Variants in PPP1R37 observed in about 807,000 individuals in gnomAD.
The protein encoded by PPP1R37 is leucine rich repeat containing 68.
A neutral mutation model predicts 61.0 loss-of-function variants in PPP1R37; 21 were observed. The observed-to-expected ratio is 0.34, with a 90% CI of 0.24 to 0.50. PPP1R37 has a LOEUF of 0.50. Among genes scored for constraint, PPP1R37 ranks in the 20% least tolerant of loss-of-function variants. The pLI is 0.98. For missense variants in PPP1R37, 910 were observed against 952.7 expected, an observed-to-expected ratio of 0.96 and a Z score of 0.59; for synonymous variants, 443 against 433.5, an observed-to-expected ratio of 1.02 and a Z score of -0.27.
At chr19:45,122,683 G>A (rs138877616) in intron 1 of PPP1R37, among the ~76,000 whole-genome samples, 3 of 152,210 alleles carry the variant, frequency 2.0e-5, no homozygotes, top group Non-Finnish European at 2.9e-5. Context: ...TGGGGTGTGA[G>A]GAAGAGGGGT....
chr19:45,128,890 G>A, intron 1 of PPP1R37: 2 of 668,502 alleles, frequency 3.0e-6, no homozygotes, highest in South Asian at 2.9e-5. Flanking sequence ...GCAGGGAGGT[G>A]CGAGAGGACC....
chr19:45,143,597 C>A lies in PPP1R37; in HGVS notation c.951C>A (p.Leu317=). 6.5e-7 allele frequency: 1 copy of A among 1,535,744 alleles called. No homozygotes were observed. Among genetic ancestry groups the A allele is most frequent in the Non-Finnish European group, 8.7e-7 (1 of 1,146,548 alleles). ...CCCTGGTGCTGTGGAACAACCAGCT[C>A]ACGCACACAGGCATGGCCTTCCTGG... ...LVTLVLWNNQ[L]THTGMAFLGM... The change falls in exon 8 of 13, where the codon CTC becomes CTA. Residue 317 remains leucine, a synonymous_variant. Transcript: ENST00000221462.
At chr19:45,138,712 G>A (rs1968569478) in intron 2 of PPP1R37, 101 bp downstream of exon 2, 1 of 701,864 alleles carries the variant, frequency 1.4e-6, no homozygotes, top group Non-Finnish European at 2.4e-6. Context: ...CCCAGCCCCA[G>A]GTGTTCATGA....
intron 1 of PPP1R37, among the ~76,000 whole-genome samples, chr19:45,134,359 G>A (rs966192514): frequency 6.6e-6 from 1 of 152,172 alleles, no homozygotes; most frequent in Non-Finnish European, 1.5e-5. Flanking sequence ...TCAGGGAATT[G>A]AAGCTGTGTT....
intron 1 of PPP1R37, among the ~76,000 whole-genome samples, chr19:45,116,261 G>A (rs1451434294): frequency 3.3e-5 from 5 of 152,244 alleles, no homozygotes; most frequent in African/African-American, 7.2e-5. Flanking sequence ...AGGTCAGGAC[G>A]AGGGGAAGGG....
intron 1 of PPP1R37, among the ~76,000 whole-genome samples, chr19:45,113,362 C>G (rs566653633): frequency 6.6e-6 from 1 of 152,248 alleles, no homozygotes; most frequent in African/African-American, 2.4e-5. Context: ...CTGGGTGCCA[C>G]GCATGGCGTT....
intron 1 of PPP1R37, among the ~76,000 whole-genome samples, chr19:45,116,930 T>TTTTTA (rs1968275490): frequency 6.7e-6 from 1 of 149,440 alleles, no homozygotes. Flanking sequence ...TTTTTTTTTT[T>TTTTTA]GAGACAGAGT....
chr19:45,141,525 C>T, intron 5 of PPP1R37, 84 bp downstream of exon 5: 1 of 1,462,982 alleles, frequency 6.8e-7, no homozygotes, highest in Non-Finnish European at 9.1e-7. Flanking sequence ...CCCGTAGGCT[C>T]TGACTGCATG....
chr19:45,121,844 G>T lies in PPP1R37; in HGVS notation c.203-16670G>T, dbSNP rs1020706581. ...TCCCCTGAGAAATACCTGCCCTTGG[G>T]AAGCCCACTGCATTGGGCTTACATG... On this transcript the variant is annotated intron_variant, in intron 1 of 12. Coordinates refer to ENST00000221462, the MANE Select transcript of PPP1R37 (RefSeq NM_019121.2). This position sits in a 1 kb window ranked among gnomAD's most constrained non-coding sequence, Gnocchi z 4.2. Among the ~76,000 whole-genome samples the T allele has an allele frequency of 1.3e-5, 2 of 152,232 alleles. No individual in the cohort carries two copies. Among genetic ancestry groups the T allele is most frequent in the African/African-American group, 4.8e-5 (2 of 41,456 alleles).
chr19:45,137,489 C>G (rs1472137874), intron 1 of PPP1R37, among the ~76,000 whole-genome samples: 2 of 152,174 alleles, frequency 1.3e-5, no homozygotes, highest in African/African-American at 4.8e-5. Context: ...CTCCAGGGAC[C>G]GGGGCTGCAG....
chr19:45,094,979 G>T (rs1967973801), intron 1 of PPP1R37, among the ~76,000 whole-genome samples: 1 of 152,184 alleles, frequency 6.6e-6, no homozygotes, highest in Non-Finnish European at 1.5e-5. Context: ...AAGTCTGTCA[G>T]TTCTCCTGGG....
At chr19:45,139,547 C>T (rs904992456) in intron 2 of PPP1R37, among the ~76,000 whole-genome samples, 1 of 150,076 alleles carries the variant, frequency 6.7e-6, no homozygotes, top group African/African-American at 2.5e-5. Context: ...GGTTGCCTGT[C>T]CTCGGGCTGT....
chr19:45,141,010 C>T (rs1383549535), intron 4 of PPP1R37, among the ~76,000 whole-genome samples: 5 of 152,098 alleles, frequency 3.3e-5, no homozygotes, highest in Non-Finnish European at 5.9e-5. Context: ...CCCCAGGTGT[C>T]GGGATCCAGG....
rs1180087715 is a variant in PPP1R37 at position 45,144,890 on chromosome 19, C to T, written c.1024C>T (p.His342Tyr). The change falls in exon 9 of 13, where the codon CAC becomes TAC. Residue 342 changes from histidine (H) to tyrosine (Y), a missense_variant. Physicochemically the swap from His to Tyr is moderately conservative, Grantham distance 83 (BLOSUM62 2). Transcript: ENST00000221462. ...TQSLETLNLG[H>Y]NPIGNEGVRH... is the part of the protein sequence containing the mutation. Reference sequence around the variant, plus strand: ...GAGCCTGGAGACGCTGAACCTGGGCCACAACCCCATCGGGAACGAGGGTGT... The same window carrying T: ...GAGCCTGGAGACGCTGAACCTGGGCTACAACCCCATCGGGAACGAGGGTGT... The T allele has an allele frequency of 7.2e-6, 11 of 1,535,422 alleles. No homozygotes were observed. In the African/African-American group the frequency reaches 1.1e-4, roughly 15 times the overall value.
At chr19:45,102,358 C>T (rs1292186220) in intron 1 of PPP1R37, among the ~76,000 whole-genome samples, 3 of 152,236 alleles carry the variant, frequency 2.0e-5, no homozygotes, top group African/African-American at 7.2e-5. Flanking sequence ...AGAGGCAGCA[C>T]GGGAGCCCCC....
chr19:45,141,203 G>T lies in PPP1R37; in HGVS notation c.448-119G>T. On this transcript the variant is annotated intron_variant, in intron 4 of 12. Coordinates refer to ENST00000221462, the MANE Select transcript of PPP1R37 (RefSeq NM_019121.2). The stretch of plus-strand genomic sequence containing the variant: ...CTGTCTGTGCTTGTCCTCCTCTCCC[G>T]TGTGGCTCTCTCCAGACCCTGGACC... 13 of 1,144,094 alleles carry T rather than the reference G, an allele frequency of 1.1e-5. No homozygotes were observed. In the South Asian group the frequency reaches 2.0e-4, roughly 18 times the overall value. 70.9% of individuals were successfully genotyped at this position (1,144,094 alleles called of 1,614,324 possible). A position where few individuals can be genotyped will look rare whatever the true frequency, so the allele number is the denominator to read the frequency against.
At chr19:45,118,297 A>G (rs1968296302) in intron 1 of PPP1R37, among the ~76,000 whole-genome samples, 1 of 152,002 alleles carries the variant, frequency 6.6e-6, no homozygotes, top group East Asian at 1.9e-4. Flanking sequence ...GGGGCCTGTG[A>G]CCTGTGTCAC....
chr19:45,107,956 A>G (rs1968153972), intron 1 of PPP1R37, among the ~76,000 whole-genome samples: 1 of 152,208 alleles, frequency 6.6e-6, no homozygotes, highest in Non-Finnish European at 1.5e-5. Context: ...TCCAGTTTTC[A>G]GTTGCATAGA....
intron 2 of PPP1R37, among the ~76,000 whole-genome samples, chr19:45,138,905 CT>C (rs34081163): frequency 2.5e-3 from 184 of 73,046 alleles, no homozygotes; most frequent in African/African-American, 5.9e-3. Flanking sequence ...TTTATGTATT[CT>C]TTTTTTTTTT....
Sources: gnomAD v4.1 joint callset for allele counts (sites outside exome capture counted in the v4.1 genomes callset) on GRCh38, gnomAD v4.1.1 for gene constraint, Gnocchi (gnomAD v3.1) non-coding constraint, MANE v1.5 for transcripts, NCBI Gene and HGNC (gene_info 2026-07-23, HGNC 2026-07-21) for gene names.